Variants in RBMS3 observed in about 807,000 individuals in gnomAD.
RBMS3 encodes RNA binding motif single stranded interacting protein 3, also known as RNA-binding motif, single-stranded-interacting protein 3.
RBMS3 carries 27 observed loss-of-function variants against 66.8 expected under a neutral mutation model. That is an observed-to-expected ratio of 0.40 (90% CI 0.30 to 0.56). RBMS3 has a LOEUF of 0.56. Among genes scored for constraint, RBMS3 ranks in the 20% least tolerant of loss-of-function variants. RBMS3 has a pLI of 0.40. For synonymous variants in RBMS3, 188 were observed against 183.0 expected (o/e 1.03, Z -0.22); for missense variants, 513 against 549.5 (o/e 0.93, Z 0.66).
intron 7 of RBMS3, among the ~76,000 whole-genome samples, chr3:29,872,947 A>G (rs1197185402): frequency 6.6e-6 from 1 of 152,084 alleles, no homozygotes; most frequent in East Asian, 1.9e-4. Context: ...CCGTTGGTCT[A>G]TGTGCCTATG....
chr3:29,920,984 C>G (rs552342646), intron 10 of RBMS3, among the ~76,000 whole-genome samples: 1 of 151,906 alleles, frequency 6.6e-6, no homozygotes, highest in Non-Finnish European at 1.5e-5. Context: ...GGTCTTATAC[C>G]GAGGCCATTG....
chr3:29,526,827 C>T (rs1344984940), intron 3 of RBMS3, among the ~76,000 whole-genome samples: 2 of 152,002 alleles, frequency 1.3e-5, no homozygotes, highest in African/African-American at 2.4e-5. Flanking sequence ...ATTCCTCCCT[C>T]TCTTTCTCTT....
intron 1 of RBMS3, among the ~76,000 whole-genome samples, chr3:29,382,236 A>T (rs115415043): frequency 0.02 from 3,029 of 152,268 alleles, 96 homozygotes; most frequent in African/African-American, 0.069. Context: ...TGAAAATTTC[A>T]TTTCCAGTTA....
intron 6 of RBMS3, among the ~76,000 whole-genome samples, chr3:29,808,109 A>C (rs2057615234): frequency 6.6e-6 from 1 of 151,926 alleles, no homozygotes; most frequent in South Asian, 2.1e-4. Flanking sequence ...AAGCACAGTT[A>C]ACAGGTACCC....
chr3:29,364,857 C>T (rs1162523788), intron 1 of RBMS3, among the ~76,000 whole-genome samples: 4 of 152,124 alleles, frequency 2.6e-5, no homozygotes, highest in South Asian at 4.1e-4. Flanking sequence ...TTTTTATTGT[C>T]GACCAATTGC....
intron 9 of RBMS3, among the ~76,000 whole-genome samples, chr3:29,897,744 C>T (rs1210949396): frequency 3.3e-5 from 5 of 151,628 alleles, no homozygotes; most frequent in Non-Finnish European, 7.4e-5. Flanking sequence ...TAATACAGCT[C>T]TCTCACCACT....
At chr3:29,814,445 T>G (rs1376687782) in intron 6 of RBMS3, among the ~76,000 whole-genome samples, 1 of 152,188 alleles carries the variant, frequency 6.6e-6, no homozygotes, top group Non-Finnish European at 1.5e-5. Flanking sequence ...AAATTCTCTT[T>G]TTTGGTTGTG....
intron 3 of RBMS3, among the ~76,000 whole-genome samples, chr3:29,493,855 T>G (rs1004282645): frequency 2.6e-5 from 4 of 152,170 alleles, no homozygotes; most frequent in African/African-American, 9.6e-5. Flanking sequence ...TTGCTTTATT[T>G]AGGAAAGAAA....
intron 11 of RBMS3, among the ~76,000 whole-genome samples, chr3:29,940,174 T>C (rs150558765): frequency 6.6e-6 from 1 of 152,048 alleles, no homozygotes; most frequent in African/African-American, 2.4e-5. Flanking sequence ...GCCCTGGGAC[T>C]CATTTGATAA....
chr3:29,646,865 T>C (rs1240399974), intron 4 of RBMS3, among the ~76,000 whole-genome samples: 2 of 152,004 alleles, frequency 1.3e-5, no homozygotes, highest in Non-Finnish European at 2.9e-5. Flanking sequence ...AGTGGAGGAG[T>C]CTTTGGGGGC....
At chr3:29,699,278 T>C (rs1325313658) in intron 4 of RBMS3, among the ~76,000 whole-genome samples, 2 of 152,168 alleles carry the variant, frequency 1.3e-5, no homozygotes, top group Non-Finnish European at 2.9e-5. Context: ...GTCTCCGAAG[T>C]AGCTGGGACT....
At chr3:29,676,724 A>G (rs901093816) in intron 4 of RBMS3, among the ~76,000 whole-genome samples, 13 of 152,178 alleles carry the variant, frequency 8.5e-5, no homozygotes, top group Non-Finnish European at 1.5e-4. Context: ...TATGAGTGCT[A>G]TATTCTAATA....
intron 1 of RBMS3, among the ~76,000 whole-genome samples, chr3:29,418,732 C>T (rs1415316290): frequency 6.6e-6 from 1 of 152,042 alleles, no homozygotes; most frequent in Non-Finnish European, 1.5e-5. Context: ...GAAAAATATT[C>T]CTTTGCTAAA....
chr3:29,821,576 A>G (rs2058076394), intron 6 of RBMS3, among the ~76,000 whole-genome samples: 1 of 152,194 alleles, frequency 6.6e-6, no homozygotes, highest in Non-Finnish European at 1.5e-5. Flanking sequence ...TGTTTTTGCA[A>G]TCACAAACTA....
chr3:29,633,872 T>A (rs1380129354), intron 4 of RBMS3, among the ~76,000 whole-genome samples: 3 of 151,870 alleles, frequency 2.0e-5, no homozygotes, highest in Non-Finnish European at 4.4e-5. Context: ...TTAATAATTA[T>A]GAGTATATAA....
chr3:29,741,840 T>C (rs1438121924), intron 5 of RBMS3, among the ~76,000 whole-genome samples: 1 of 152,194 alleles, frequency 6.6e-6, no homozygotes, highest in East Asian at 1.9e-4. Context: ...GTGTTCCCCT[T>C]CTGTCCTCAC....
intron 4 of RBMS3, among the ~76,000 whole-genome samples, chr3:29,683,430 T>C (rs1349350462): frequency 6.6e-6 from 1 of 152,018 alleles, no homozygotes; most frequent in East Asian, 1.9e-4. Context: ...AATTGAACAA[T>C]AGCAGTGGGG....
At chr3:29,892,342 G>T (rs563568977) in intron 8 of RBMS3, among the ~76,000 whole-genome samples, 1 of 151,528 alleles carries the variant, frequency 6.6e-6, no homozygotes, top group Admixed American at 6.6e-5. Context: ...CTTCAGCAAG[G>T]TGTCTCAATC....
At chr3:29,930,014 A>T (rs1305661366) in intron 10 of RBMS3, among the ~76,000 whole-genome samples, 1 of 151,496 alleles carries the variant, frequency 6.6e-6, no homozygotes, top group Non-Finnish European at 1.5e-5. Context: ...AAATTGGTGT[A>T]TATTATAACC....
Sources: allele counts gnomAD v4.1 joint callset (sites outside exome capture counted in the v4.1 genomes callset), GRCh38; gene constraint gnomAD v4.1.1; transcripts MANE v1.5; gene names NCBI Gene and HGNC (gene_info 2026-07-23, HGNC 2026-07-21).